LINGO1: variants seen among roughly 807,000 people sequenced by gnomAD.
LINGO1 encodes the protein leucine-rich repeat and immunoglobulin-like domain-containing nogo receptor-interacting protein 1.
A neutral mutation model predicts 37.3 loss-of-function variants in LINGO1; 11 were observed. The ratio of observed to expected loss-of-function variants is 0.29; its 90% CI spans 0.19 to 0.49. LINGO1 has a LOEUF of 0.49. LINGO1 is among the 20% of genes least tolerant of loss of function. LINGO1 has a pLI of 0.99. For synonymous variants in LINGO1, 387 were observed against 403.0 expected, an observed-to-expected ratio of 0.96 and a Z score of 0.48; for missense variants, 585 against 878.2, an observed-to-expected ratio of 0.67 and a Z score of 4.22.
At chr15:77,779,856 G>C (rs80274099) in intron 1 of LINGO1, among the ~76,000 whole-genome samples, 2 of 152,128 alleles carry the variant, frequency 1.3e-5, no homozygotes, top group African/African-American at 4.8e-5. Flanking sequence ...GGAGGTGCTC[G>C]ATAATATTCA....
Position 77,614,941 on chromosome 15 carries a change from C to G in LINGO1, c.966G>C (p.Gln322His), listed in dbSNP as rs1172510986. Reference protein sequence around the residue: ...RLQEIQLVGGQLAVVEPYAFR... With the variant: ...RLQEIQLVGGHLAVVEPYAFR... Reference sequence around the variant, plus strand: ...AGGCATAGGGCTCCACCACGGCCAGCTGCCCGCCCACCAGCTGGATCTCCT... The same window carrying G: ...AGGCATAGGGCTCCACCACGGCCAGGTGCCCGCCCACCAGCTGGATCTCCT... The change falls in exon 2 of 2, where the codon CAG becomes CAC. Residue 322 changes from glutamine to histidine, a missense_variant. Coordinates refer to ENST00000355300, the MANE Select transcript of LINGO1 (RefSeq NM_032808.7). 1.6e-5 allele frequency: 26 copies of G among 1,613,752 alleles called. No homozygotes were observed. The highest frequency in any genetic ancestry group is 2.1e-5 in the Non-Finnish European group (25 of 1,179,870).
chr15:77,713,842 G>A (rs922919176), intron 2 of LINGO1, among the ~76,000 whole-genome samples: 1 of 151,944 alleles, frequency 6.6e-6, no homozygotes, highest in Non-Finnish European at 1.5e-5. Context: ...GGCTTTCCTC[G>A]CACCCCCTAG....
At chr15:77,705,174 GACACACACAC>G (rs72451354) in intron 2 of LINGO1, among the ~76,000 whole-genome samples, 2 of 99,140 alleles carry the variant, frequency 2.0e-5, no homozygotes, top group South Asian at 3.5e-4. Flanking sequence ...CCCCTGCCAT[GACACACACAC>G]ACACACACAC....
chr15:77,741,049 T>C (rs1159593967), intron 1 of LINGO1, among the ~76,000 whole-genome samples: 3 of 152,106 alleles, frequency 2.0e-5, no homozygotes, highest in Admixed American at 2.0e-4. Flanking sequence ...GTCAGGCAGC[T>C]ACCCTACCAT....
At chr15:77,625,573 G>A (rs1337431759) in intron 1 of LINGO1, among the ~76,000 whole-genome samples, 2 of 152,136 alleles carry the variant, frequency 1.3e-5, no homozygotes, top group Non-Finnish European at 2.9e-5. Flanking sequence ...CTATGTGCCA[G>A]GCATGAACCT....
At chr15:77,656,894 C>G (rs932775030) in intron 3 of LINGO1, among the ~76,000 whole-genome samples, 4 of 152,196 alleles carry the variant, frequency 2.6e-5, no homozygotes, top group African/African-American at 9.7e-5. Context: ...CCCACCCCAT[C>G]CCAAGCTACT....
intron 1 of LINGO1, among the ~76,000 whole-genome samples, chr15:77,782,739 G>T (rs1469965009): frequency 6.7e-6 from 1 of 149,804 alleles, no homozygotes; most frequent in Non-Finnish European, 1.5e-5. Flanking sequence ...CCCCCACCCT[G>T]TGGCCACGAC....
chr15:77,792,398 T>C (rs1466031499), intron 2 of LINGO1, among the ~76,000 whole-genome samples: 1 of 152,184 alleles, frequency 6.6e-6, no homozygotes, highest in African/African-American at 2.4e-5. Context: ...CTTTCTCCAG[T>C]AGGCATCACT....
At chr15:77,701,742 G>A (rs1175009842) in intron 2 of LINGO1, among the ~76,000 whole-genome samples, 1 of 152,104 alleles carries the variant, frequency 6.6e-6, no homozygotes, top group African/African-American at 2.4e-5. Context: ...CTTGTCATGC[G>A]ATGCCAGCTC....
At position 77,632,305 on chromosome 15, in the gene LINGO1, C is replaced by CTCACCTGCA; in HGVS notation, c.2_6+4dup. ...TCGGGGCTCGGCCGCGGCCGCCTGG[C>CTCACCTGCA]TCACCTGCATCTCGGGCGCGCCTTC... On this transcript the variant is annotated splice_donor_region_variant and intron_variant, in intron 1 of 1. Transcript: ENST00000355300. This position sits in a 1 kb window ranked among gnomAD's most constrained non-coding sequence, Gnocchi z 6.0. The CTCACCTGCA allele has an allele frequency of 6.9e-7, 1 of 1,439,130 alleles. No individual in the cohort carries two copies. Among genetic ancestry groups the CTCACCTGCA allele is most frequent in the Non-Finnish European group, 9.1e-7 (1 of 1,097,280 alleles). The allele number at this position is 1,439,130 out of a possible 1,614,324, so 89.1% of individuals were successfully genotyped here.
intron 1 of LINGO1, among the ~76,000 whole-genome samples, chr15:77,779,000 CCTT>C (rs2076688886): frequency 6.6e-6 from 1 of 152,126 alleles, no homozygotes; most frequent in Admixed American, 6.5e-5. Flanking sequence ...CTGGCCTCCT[CCTT>C]CTCCCCTGGC....
intron 1 of LINGO1, among the ~76,000 whole-genome samples, chr15:77,617,185 C>T (rs547578568): frequency 2.6e-5 from 4 of 152,218 alleles, no homozygotes; most frequent in African/African-American, 4.8e-5. Context: ...AAGGGGTATG[C>T]GGGAGCCTCC....
intron 1 of LINGO1, among the ~76,000 whole-genome samples, chr15:77,616,886 G>A (rs998941592): frequency 4.6e-5 from 7 of 152,192 alleles, no homozygotes; most frequent in Admixed American, 1.3e-4. Flanking sequence ...AAGAAGTGAA[G>A]TGTGCTCCCC....
intron 1 of LINGO1, among the ~76,000 whole-genome samples, chr15:77,802,288 T>G (rs2076926203): frequency 6.6e-6 from 1 of 151,988 alleles, no homozygotes; most frequent in African/African-American, 2.4e-5. Context: ...TGTGTATGTG[T>G]GTTGTCACTC....
chr15:77,815,370 TGACCTTGTGC>T (rs1263304144), intron 1 of LINGO1, among the ~76,000 whole-genome samples: 2 of 151,312 alleles, frequency 1.3e-5, no homozygotes, highest in East Asian at 3.9e-4. Context: ...ACTTGCTTAG[TGACCTTGTGC>T]TAGCCACTGC....
chr15:77,667,381 T>C (rs1356571497), intron 3 of LINGO1, among the ~76,000 whole-genome samples: 1 of 152,152 alleles, frequency 6.6e-6, no homozygotes, highest in Non-Finnish European at 1.5e-5. Context: ...ATGTGGAGCC[T>C]GCTCTTCAGG....
intron 2 of LINGO1, among the ~76,000 whole-genome samples, chr15:77,729,963 T>A (rs1292763206): frequency 6.6e-6 from 1 of 152,186 alleles, no homozygotes; most frequent in African/African-American, 2.4e-5. Context: ...AAGGTAGGTA[T>A]AAATATAAAA....
rs1192337915 is a variant in LINGO1, at chr15:77,714,048, CT to C, written c.-195+20943del. 3.3e-5 allele frequency among the ~76,000 whole-genome samples: 5 copies of C among 152,284 alleles called. No individual in the cohort carries two copies. The South Asian group carries it at 8.3e-4, about 25-fold the overall frequency. ...CCCATCCCCTATAAAGACCTCTCCC[CT>C]GAGCTCCAGGCTTGTGACCACAACT... On this transcript the variant is annotated intron_variant, in intron 2 of 3. Transcript: ENST00000561686.
chr15:77,692,765 C>T (rs1414282659), intron 1 of LINGO1, among the ~76,000 whole-genome samples: 1 of 152,202 alleles, frequency 6.6e-6, no homozygotes, highest in Non-Finnish European at 1.5e-5. Flanking sequence ...TCCCTCCCGC[C>T]TCCAGGGCCC....
Sources: gnomAD v4.1 joint callset for allele counts (sites outside exome capture counted in the v4.1 genomes callset) on GRCh38, gnomAD v4.1.1 for gene constraint, Gnocchi (gnomAD v3.1) non-coding constraint, MANE v1.5 for transcripts, NCBI Gene and HGNC (gene_info 2026-07-23, HGNC 2026-07-21) for gene names.